PTPRN2: variants seen among roughly 807,000 people sequenced by gnomAD.
PTPRN2 encodes the protein receptor-type tyrosine-protein phosphatase N2.
In PTPRN2, 74 loss-of-function variants were observed where a neutral mutation model predicts 118.8. The ratio of observed to expected loss-of-function variants is 0.62; its 90% CI spans 0.52 to 0.76. The LOEUF (loss-of-function observed/expected upper bound fraction) is 0.76, where lower values mean the gene tolerates loss of function less well. Among genes scored for constraint, PTPRN2 ranks in the 30% least tolerant of loss-of-function variants. PTPRN2 has a pLI of 0.00. For synonymous variants in PTPRN2, 641 were observed against 608.0 expected, an observed-to-expected ratio of 1.05 and a Z score of -0.80; for missense variants, 1,481 against 1,394.4, an observed-to-expected ratio of 1.06 and a Z score of -0.99.
intron 11 of PTPRN2, among the ~76,000 whole-genome samples, chr7:158,051,613 C>G (rs941828399): frequency 3.3e-5 from 5 of 152,200 alleles, no homozygotes; most frequent in African/African-American, 1.2e-4. Context: ...TGTCGTGCTC[C>G]CCCGGCGAGC....
chr7:158,394,872 C>A (rs1438898516), intron 2 of PTPRN2, among the ~76,000 whole-genome samples: 1 of 152,206 alleles, frequency 6.6e-6, no homozygotes, highest in Non-Finnish European at 1.5e-5. Flanking sequence ...CCAAAAGAGA[C>A]CGAATCGTCA....
intron 14 of PTPRN2, among the ~76,000 whole-genome samples, chr7:157,654,451 A>G (rs986367867): frequency 3.3e-5 from 5 of 152,180 alleles, no homozygotes; most frequent in African/African-American, 1.2e-4. Context: ...AGTTTCCCTG[A>G]GTTTACAATC....
At chr7:158,315,561 A>G (rs2123501) in intron 3 of PTPRN2, among the ~76,000 whole-genome samples, 139,790 of 149,196 alleles carry the variant, frequency 0.94, 65,535 homozygotes, top group Middle Eastern at 0.96. Context: ...ACCCCTGAAG[A>G]ACAGAGGTGA....
chr7:158,271,090 ACCTGGGCTGC>A (rs1798478809), intron 3 of PTPRN2, among the ~76,000 whole-genome samples: 1 of 47,572 alleles, frequency 2.1e-5, no homozygotes, highest in Non-Finnish European at 4.8e-5. Flanking sequence ...GACCCCCTCC[ACCTGGGCTGC>A]CCCCTCCACC....
At chr7:157,886,280 A>G (rs1299728828) in intron 12 of PTPRN2, among the ~76,000 whole-genome samples, 3 of 152,312 alleles carry the variant, frequency 2.0e-5, no homozygotes, top group African/African-American at 7.2e-5. Context: ...TCCCCACCTC[A>G]GACAATAAGC....
chr7:158,134,709 C>T (rs1239848953), intron 8 of PTPRN2, among the ~76,000 whole-genome samples: 4 of 152,154 alleles, frequency 2.6e-5, no homozygotes, highest in Admixed American at 6.5e-5. Context: ...GTCTCCCAGC[C>T]GGATCCCCTT....
intron 1 of PTPRN2, among the ~76,000 whole-genome samples, chr7:158,502,765 CACTGTGTCCATCAACT>C (rs1330647309): frequency 6.6e-6 from 1 of 152,016 alleles, no homozygotes; most frequent in African/African-American, 2.4e-5. Context: ...CACCCCCAGC[CACTGTGTCCATCAACT>C]ACTGTGTCCA....
chr7:157,573,183 A>C (rs1799846889), intron 19 of PTPRN2, among the ~76,000 whole-genome samples: 1 of 152,236 alleles, frequency 6.6e-6, no homozygotes, highest in African/African-American at 2.4e-5. Context: ...CCTCCAGCTC[A>C]GTAAAGACCA....
At chr7:157,910,506 C>T (rs1161806051) in intron 11 of PTPRN2, among the ~76,000 whole-genome samples, 1 of 151,490 alleles carries the variant, frequency 6.6e-6, no homozygotes, top group Non-Finnish European at 1.5e-5. Flanking sequence ...GCATGTACGC[C>T]GTGGGAACGG....
In PTPRN2 at chr7:157,623,050, A is replaced by G. The variant is rs75350207; in HGVS notation, c.2197-1541T>C. Among the ~76,000 whole-genome samples the G allele has an allele frequency of 4.0e-3, 605 of 152,350 alleles. 6 individuals are homozygous for G. The highest frequency in any genetic ancestry group is 0.014 in the African/African-American group (584 of 41,582). On this transcript the variant is annotated intron_variant, in intron 14 of 22. Transcript: ENST00000389418. ...CTTGTGCATGGAAGAAGCACCCCAC[A>G]GAGATGTCTCGAGTTGTGAAATTAG...
intron 15 of PTPRN2, among the ~76,000 whole-genome samples, chr7:157,607,131 T>C (rs1802050534): frequency 6.6e-6 from 1 of 152,244 alleles, no homozygotes; most frequent in Non-Finnish European, 1.5e-5. Flanking sequence ...CACAAATTAG[T>C]TCTTGGAGAG....
At chr7:157,969,365 C>T (rs1198366634) in intron 11 of PTPRN2, among the ~76,000 whole-genome samples, 1 of 152,210 alleles carries the variant, frequency 6.6e-6, no homozygotes, top group East Asian at 1.9e-4. Flanking sequence ...CCACCTCAGC[C>T]TCCCAATGTG....
chr7:158,070,484 CTGGTGGTGGAGGTGCCCG>C (rs1563386899), intron 11 of PTPRN2, among the ~76,000 whole-genome samples: 19 of 67,344 alleles, frequency 2.8e-4, no homozygotes, highest in African/African-American at 1.2e-3. Flanking sequence ...GGAGGTGCTC[CTGGTGGTGGAGGTGCCCG>C]TGGTGGTGGA....
Position 158,136,665 on chromosome 7 carries a change from A to T in PTPRN2, c.1163T>A (p.Leu388His), listed in dbSNP as rs7456452. ...GAGACGTCATCTTACCTCTTGGTAAAGTCTATCATCGTCGTCCTGCACTCC... is the reference window on the plus strand; with the variant it reads ...GAGACGTCATCTTACCTCTTGGTAATGTCTATCATCGTCGTCCTGCACTCC... ...DDGVQDDDDR[L>H]YQEVHRLSAT... Residue 388 changes from leucine to histidine, a missense_variant, in exon 8 of 23, where the codon CTT becomes CAT. Transcript: ENST00000389418. The T allele has an allele frequency of 8.0e-4, 1,294 of 1,613,782 alleles. 16 individuals carry two copies. The African/African-American group carries it at 0.015, about 19-fold the overall frequency.
intron 12 of PTPRN2, chr7:157,865,017 C>G (rs1014463065): frequency 6.6e-6 from 1 of 152,372 alleles, no homozygotes; most frequent in Non-Finnish European, 1.5e-5. Flanking sequence ...CACATAGGCC[C>G]AAATCCAAGC....
At chr7:157,806,677 A>G (rs1314816946) in intron 12 of PTPRN2, among the ~76,000 whole-genome samples, 3 of 152,146 alleles carry the variant, frequency 2.0e-5, no homozygotes, top group African/African-American at 7.2e-5. Context: ...CTGCATTCTT[A>G]CTGGCAGGAT....
At chr7:158,204,648 T>A (rs1826974639) in intron 4 of PTPRN2, among the ~76,000 whole-genome samples, 1 of 152,176 alleles carries the variant, frequency 6.6e-6, no homozygotes, top group Admixed American at 6.5e-5. Flanking sequence ...TGACTCAATT[T>A]CCTCACTTTC....
At position 157,583,602 on chromosome 7, in the gene PTPRN2, G is replaced by A. The variant is rs1343606130; in HGVS notation, c.2497-5462C>T. Among the ~76,000 whole-genome samples the A allele has an allele frequency of 6.6e-6, 1 of 152,128 alleles. No homozygotes were observed. The highest frequency in any genetic ancestry group is 2.4e-5 in the African/African-American group (1 of 41,428). On this transcript the variant is annotated intron_variant, in intron 17 of 22. Coordinates refer to ENST00000389418, the MANE Select transcript of PTPRN2 (RefSeq NM_002847.5). This position sits in a 1 kb window ranked among gnomAD's most constrained non-coding sequence, Gnocchi z 5.5. Reference sequence around the variant, plus strand: ...AAACATTTACAATTAAAAACAACTCGACCGGGCACAGGGGCTCGCACCTCT... The same window carrying A: ...AAACATTTACAATTAAAAACAACTCAACCGGGCACAGGGGCTCGCACCTCT...
At position 157,868,093 on chromosome 7, in the gene PTPRN2, C is replaced by T. The variant is rs956953800; in HGVS notation, c.1788+30580G>A. Among the ~76,000 whole-genome samples, 13 of 152,228 alleles carry T rather than the reference C, an allele frequency of 8.5e-5. No individual in the cohort carries two copies. The highest frequency in any genetic ancestry group is 3.1e-4 in the African/African-American group (13 of 41,452). ...GCATCCTGGGCAAGAGGCCCACATG[C>T]ACCTTAGAAAGGGCCCGAAACAGTT... On this transcript the variant is annotated intron_variant, in intron 12 of 22. Transcript: ENST00000389418. This position sits in a 1 kb window ranked among gnomAD's most constrained non-coding sequence, Gnocchi z 5.2.
Sources: gnomAD v4.1 joint callset for allele counts (sites outside exome capture counted in the v4.1 genomes callset) on GRCh38, gnomAD v4.1.1 for gene constraint, Gnocchi (gnomAD v3.1) non-coding constraint, MANE v1.5 for transcripts, NCBI Gene and HGNC (gene_info 2026-07-23, HGNC 2026-07-21) for gene names.